SIRPG: variants seen among roughly 807,000 people sequenced by gnomAD.
SIRPG encodes signal-regulatory protein gamma.
SIRPG carries 38 observed loss-of-function variants against 35.7 expected under a neutral mutation model. That is an observed-to-expected ratio of 1.06 (90% CI 0.82 to 1.40). SIRPG has a LOEUF of 1.40. Ranked by LOEUF, SIRPG falls within the 40% of genes most tolerant of loss-of-function variation. The probability of loss-of-function intolerance (pLI) is 0.00; values close to 1 mark genes in which losing one functional copy is unlikely to be tolerated. For synonymous variants in SIRPG, 215 were observed against 190.4 expected (o/e 1.13, Z -1.06); for missense variants, 519 against 483.0 (o/e 1.07, Z -0.70).
At chr20:1,645,093 G>A (rs555744513) in intron 2 of SIRPG, among the ~76,000 whole-genome samples, 10 of 152,264 alleles carry the variant, frequency 6.6e-5, no homozygotes, top group African/African-American at 9.6e-5. Context: ...ACGTTTTCAC[G>A]ATGGAAGGTC....
At chr20:1,657,457 C>T (rs927049132) in intron 1 of SIRPG, among the ~76,000 whole-genome samples, 185 bp downstream of exon 1, 1 of 152,182 alleles carries the variant, frequency 6.6e-6, no homozygotes, top group Non-Finnish European at 1.5e-5. Context: ...GGTTTGATGC[C>T]TCTGGTAGCC....
chr20:1,635,886 A>G (rs553236040), intron 3 of SIRPG, among the ~76,000 whole-genome samples: 49 of 152,328 alleles, frequency 3.2e-4, no homozygotes, highest in African/African-American at 1.1e-3. Context: ...GAACTGTAGC[A>G]AAATCAGTGA....
In SIRPG at chr20:1,649,220, C is replaced by T. The variant is rs775015713; in HGVS notation, c.262G>A (p.Val88Ile). 1.9e-6 allele frequency: 3 copies of T among 1,614,068 alleles called. No homozygotes were observed. The East Asian group carries it at 6.7e-5, about 36-fold the overall frequency. ...TTTGTGAGGTCTGAAACTGTTGTTACCCTGGGGAAGTGGCCTTCTTTTTGA... is the reference window on the plus strand; with the variant it reads ...TTTGTGAGGTCTGAAACTGTTGTTATCCTGGGGAAGTGGCCTTCTTTTTGA... ...YNQKEGHFPR[V>I]TTVSDLTKRN... Residue 88 changes from valine to isoleucine, a missense_variant, in exon 2 of 6, where the codon GTA becomes ATA. Coordinates refer to ENST00000303415, the MANE Select transcript of SIRPG (RefSeq NM_018556.4).
chr20:1,680,843 ACTAT>A, the SIRPG span, among the ~76,000 whole-genome samples: 6 of 152,140 alleles, frequency 3.9e-5, no homozygotes, highest in South Asian at 4.1e-4. Context: ...TTTTTTTGGC[ACTAT>A]CTAATTTACT....
the SIRPG span, among the ~76,000 whole-genome samples, chr20:1,684,103 C>T: frequency 1.3e-4 from 19 of 151,948 alleles, no homozygotes; most frequent in Admixed American, 4.6e-4. Context: ...ATGTATTGTA[C>T]GATATGATTT....
At chr20:1,664,160 G>A in the SIRPG span, among the ~76,000 whole-genome samples, 75 of 152,242 alleles carry the variant, frequency 4.9e-4, no homozygotes, top group Non-Finnish European at 8.4e-4. Context: ...TACTGCAGAC[G>A]GCACCAAGTC....
At chr20:1,674,436 G>A in the SIRPG span, among the ~76,000 whole-genome samples, 1 of 152,102 alleles carries the variant, frequency 6.6e-6, no homozygotes, top group South Asian at 2.1e-4. Context: ...TTCAGTTTCT[G>A]TCCCCAGTCT....
At chr20:1,643,962 C>T (rs1258121115) in intron 2 of SIRPG, among the ~76,000 whole-genome samples, 1 of 152,122 alleles carries the variant, frequency 6.6e-6, no homozygotes, top group Non-Finnish European at 1.5e-5. Flanking sequence ...GGATCTCTAA[C>T]CTCGAGGGGC....
the SIRPG span, chr20:1,676,875 C>T: frequency 1.5e-4 from 24 of 162,496 alleles, no homozygotes; most frequent in South Asian, 3.7e-3. Flanking sequence ...TCACCTGCAA[C>T]TCCTCCTCAG....
At chr20:1,685,235 C>G in the SIRPG span, among the ~76,000 whole-genome samples, 1 of 152,184 alleles carries the variant, frequency 6.6e-6, no homozygotes, top group Non-Finnish European at 1.5e-5. Context: ...TCGAAAGAAC[C>G]AAGGTAGATT....
At chr20:1,665,004 C>G in the SIRPG span, among the ~76,000 whole-genome samples, 1 of 152,188 alleles carries the variant, frequency 6.6e-6, no homozygotes, top group African/African-American at 2.4e-5. Context: ...TTGCCCCTCA[C>G]TTAGCACCCT....
At position 1,635,284 on chromosome 20, in the gene SIRPG, C is replaced by T. The variant is rs778222328; in HGVS notation, c.1064G>A (p.Ser355Asn). The T allele has an allele frequency of 4.2e-5, 68 of 1,611,726 alleles. No individual in the cohort carries two copies. Among genetic ancestry groups the T allele is most frequent in the Admixed American group, 5.0e-5 (3 of 59,950 alleles). ...AACCTCACCAGGGGTAGCATCTGAG[C>T]TCTGGTCCTTCTGGTGGACTGTGAC... Reference protein sequence around the residue: ...LEVTVHQKDQSSDATPGPASS... With the variant: ...LEVTVHQKDQNSDATPGPASS... Residue 355 changes from serine (S) to asparagine (N), a missense_variant, in exon 4 of 6, where the codon AGC becomes AAC. Physicochemically the swap from Ser to Asn is conservative, Grantham distance 46 (BLOSUM62 1). Coordinates refer to ENST00000303415, the MANE Select transcript of SIRPG (RefSeq NM_018556.4).
chr20:1,636,237 C>A lies in SIRPG; in HGVS notation c.699G>T (p.Leu233Phe), dbSNP rs147498898. The A allele has an allele frequency of 9.9e-6, 16 of 1,614,066 alleles. No individual in the cohort carries two copies. In the Admixed American group the frequency reaches 1.7e-4, roughly 17 times the overall value. The change falls in exon 3 of 6, where the codon TTG becomes TTT. Residue 233 changes from leucine (L) to phenylalanine (F), a missense_variant. Leu to Phe is a conservative substitution (Grantham distance 22). Coordinates refer to ENST00000303415, the MANE Select transcript of SIRPG (RefSeq NM_018556.4). ...CAGTCCCACGAAGAGGGTCCCCCTG[C>A]AAGGTGACATGGGCCACCTCGCAGA... ...QVICEVAHVTLQGDPLRGTAN... is the reference protein window; with the variant it reads ...QVICEVAHVTFQGDPLRGTAN...
chr20:1,667,619 C>T, the SIRPG span, among the ~76,000 whole-genome samples: 1 of 152,032 alleles, frequency 6.6e-6, no homozygotes, highest in Non-Finnish European at 1.5e-5. Flanking sequence ...AGGGAGGCTC[C>T]CTTTAAGGGA....
the SIRPG span, among the ~76,000 whole-genome samples, chr20:1,663,636 C>CTGT: frequency 6.6e-6 from 1 of 152,208 alleles, no homozygotes; most frequent in Non-Finnish European, 1.5e-5. Context: ...GAAGAGTCAA[C>CTGT]TGTTATACGT....
upstream of SIRPG, among the ~76,000 whole-genome samples, chr20:1,659,601 C>A (rs1409108254): frequency 6.6e-6 from 1 of 152,216 alleles, no homozygotes; most frequent in Admixed American, 6.5e-5. Flanking sequence ...ATGAGGTAAG[C>A]TCAACCATTA....
chr20:1,631,183 A>G (rs1222338675), intron 4 of SIRPG, among the ~76,000 whole-genome samples: 1 of 152,190 alleles, frequency 6.6e-6, no homozygotes, highest in East Asian at 1.9e-4. Flanking sequence ...TTTTAAATAA[A>G]TAAAATGGTG....
the SIRPG span, among the ~76,000 whole-genome samples, chr20:1,677,299 G>C: frequency 1.8e-3 from 271 of 152,282 alleles, 2 homozygotes; most frequent in African/African-American, 6.3e-3. Context: ...TGGCCATATG[G>C]AGTATTGCAA....
Position 1,630,271 on chromosome 20 carries a change from C to T in SIRPG, c.1117G>A (p.Ala373Thr). Residue 373 changes from alanine to threonine, a missense_variant, in exon 5 of 6, where the codon GCT (alanine) becomes ACT (threonine). Physicochemically the swap from Ala to Thr is moderately conservative, Grantham distance 58. Transcript: ENST00000303415. ...ACGTAGATGGGGCCCAGGAGGACAG[C>T]TATGAGGAGCAGCGCAGTAAGGGAT... Reference protein sequence around the residue: ...ASSLTALLLIAVLLGPIYVPW... With the variant: ...ASSLTALLLITVLLGPIYVPW... 1.9e-6 allele frequency: 3 copies of T among 1,573,870 alleles called. No homozygotes were observed. The highest frequency in any genetic ancestry group is 2.6e-6 in the Non-Finnish European group (3 of 1,159,036).
Sources: allele counts gnomAD v4.1 joint callset (sites outside exome capture counted in the v4.1 genomes callset), GRCh38; gene constraint gnomAD v4.1.1; transcripts MANE v1.5; gene names NCBI Gene and HGNC (gene_info 2026-07-23, HGNC 2026-07-21).